UNC13C: variants seen among roughly 807,000 people sequenced by gnomAD.
UNC13C encodes unc-13 homolog C.
A neutral mutation model predicts 245.4 loss-of-function variants in UNC13C; 174 were observed. The observed-to-expected ratio is 0.71, with a 90% CI of 0.63 to 0.80. The LOEUF (loss-of-function observed/expected upper bound fraction) is 0.80. Ranked by LOEUF, UNC13C falls within the 30% of genes least tolerant of loss-of-function variation. The pLI is 0.00. For missense variants in UNC13C, 2,829 were observed against 2,602.9 expected (o/e 1.09, Z -1.89); for synonymous variants, 992 against 895.1 (o/e 1.11, Z -1.93).
At chr15:54,011,082 G>A (rs1022953544) in intron 1 of UNC13C, among the ~76,000 whole-genome samples, 1 of 152,022 alleles carries the variant, frequency 6.6e-6, no homozygotes. Context: ...GTGAGGGCTG[G>A]ATAATGAATG....
chr15:54,601,557 T>C (rs1446202086), intron 30 of UNC13C, among the ~76,000 whole-genome samples: 1 of 152,140 alleles, frequency 6.6e-6, no homozygotes. Context: ...ATCAGAATCT[T>C]GCATAGGCTA....
At chr15:54,459,444 T>C (rs1891718379) in intron 19 of UNC13C, among the ~76,000 whole-genome samples, 1 of 152,188 alleles carries the variant, frequency 6.6e-6, no homozygotes, top group Admixed American at 6.6e-5. Context: ...TGAAGATCTT[T>C]AGCAGGATCA....
the UNC13C span, among the ~76,000 whole-genome samples, chr15:53,867,506 A>G: frequency 0.27 from 41,279 of 152,106 alleles, 6,766 homozygotes; most frequent in Non-Finnish European, 0.35. Flanking sequence ...GCAGTTCTTT[A>G]CTAATTCTGA....
chr15:54,318,351 C>T (rs2038063154), intron 13 of UNC13C, among the ~76,000 whole-genome samples: 1 of 151,894 alleles, frequency 6.6e-6, no homozygotes, highest in Admixed American at 6.6e-5. Context: ...CAACAGTATA[C>T]AGGGTTCCCT....
chr15:54,029,297 A>C (rs1337751407), intron 2 of UNC13C, among the ~76,000 whole-genome samples: 1 of 152,240 alleles, frequency 6.6e-6, no homozygotes, highest in Non-Finnish European at 1.5e-5. Flanking sequence ...GAACCAAATA[A>C]GTCAATCAAC....
At chr15:54,210,258 T>C (rs1165906036) in intron 4 of UNC13C, among the ~76,000 whole-genome samples, 1 of 149,204 alleles carries the variant, frequency 6.7e-6, no homozygotes, top group African/African-American at 2.4e-5. Flanking sequence ...ATATATATGG[T>C]CTAACAAAAC....
chr15:54,359,286 T>C (rs1389393328), intron 17 of UNC13C, among the ~76,000 whole-genome samples: 1 of 151,988 alleles, frequency 6.6e-6, no homozygotes, highest in Non-Finnish European at 1.5e-5. Flanking sequence ...GTTTTCTTTT[T>C]TTGTTGTATC....
rs139446759 is a variant in UNC13C, at chr15:54,583,956, T to G, written c.6106+16009T>G. On this transcript the variant is annotated intron_variant, in intron 30 of 32. Coordinates refer to ENST00000260323, the MANE Select transcript of UNC13C (RefSeq NM_001080534.3). Reference sequence around the variant, plus strand: ...AGCCCCAGGACAAAGCTCCAGGCCCTAACTGTGCTCTCTGGCTCCCCGTGG... The same window carrying G: ...AGCCCCAGGACAAAGCTCCAGGCCCGAACTGTGCTCTCTGGCTCCCCGTGG... Among the ~76,000 whole-genome samples the G allele has an allele frequency of 5.9e-3, 898 of 152,286 alleles. 4 individuals carry two copies. The highest frequency in any genetic ancestry group is 6.0e-3 in the Non-Finnish European group (407 of 68,018).
intron 1 of UNC13C, among the ~76,000 whole-genome samples, chr15:54,004,354 C>T (rs144012428): frequency 5.6e-4 from 85 of 152,268 alleles, no homozygotes; most frequent in African/African-American, 1.9e-3. Flanking sequence ...ATTCTTTTTA[C>T]GGCTGAATAG....
intron 4 of UNC13C, among the ~76,000 whole-genome samples, chr15:54,197,699 G>A (rs915063229): frequency 2.0e-5 from 3 of 152,080 alleles, no homozygotes; most frequent in African/African-American, 7.2e-5. Flanking sequence ...TAAGATGGAG[G>A]ATAGGAGGCA....
rs187065097 is a variant in UNC13C at position 54,092,733 on chromosome 15, T to C, written c.2984-50285T>C. ...ACTCATAGTATCAAAACTATAAATA[T>C]ACTATAAATGGAGATATATGTGAGT... On this transcript the variant is annotated intron_variant, in intron 2 of 32. Coordinates refer to ENST00000260323, the MANE Select transcript of UNC13C (RefSeq NM_001080534.3). Among the ~76,000 whole-genome samples the C allele has an allele frequency of 7.9e-5, 12 of 152,298 alleles. No homozygotes were observed. In the East Asian group the frequency reaches 2.3e-3, roughly 29 times the overall value.
At chr15:54,244,080 A>G (rs778168043) in intron 7 of UNC13C, among the ~76,000 whole-genome samples, 10 of 152,272 alleles carry the variant, frequency 6.6e-5, no homozygotes, top group Middle Eastern at 3.4e-3. Context: ...GGTACTGCCT[A>G]GATTTTCTTC....
At chr15:54,534,170 G>T (rs1180038539) in intron 26 of UNC13C, among the ~76,000 whole-genome samples, 1 of 152,140 alleles carries the variant, frequency 6.6e-6, no homozygotes, top group African/African-American at 2.4e-5. Context: ...CTCTCCATCA[G>T]ACTGTTGTTA....
chr15:54,060,147 C>T (rs1044781856), intron 2 of UNC13C, among the ~76,000 whole-genome samples: 2 of 78,208 alleles, frequency 2.6e-5, no homozygotes, highest in African/African-American at 1.2e-4. Flanking sequence ...AGCTTCTGCA[C>T]AGCAAAAGAA....
chr15:54,204,107 G>A lies in UNC13C; in HGVS notation c.3072-30923G>A, dbSNP rs964709340. 4.6e-5 allele frequency among the ~76,000 whole-genome samples: 7 copies of A among 151,570 alleles called. No individual in the cohort carries two copies. In the Admixed American group the frequency reaches 4.6e-4, roughly 10 times the overall value. ...GGGAGCTAACCTATGAGGACACAAA[G>A]CCATAAGAATCATACACTGAACTTT... On this transcript the variant is annotated intron_variant, in intron 4 of 32. Transcript: ENST00000260323.
chr15:54,077,477 C>T (rs542933712), intron 2 of UNC13C, among the ~76,000 whole-genome samples: 1 of 137,306 alleles, frequency 7.3e-6, no homozygotes, highest in East Asian at 2.4e-4. Flanking sequence ...CTCCCAGGTT[C>T]AAGGGATTCT....
chr15:54,083,549 T>C (rs543859215), intron 2 of UNC13C, among the ~76,000 whole-genome samples: 3 of 152,136 alleles, frequency 2.0e-5, no homozygotes, highest in Admixed American at 6.5e-5. Context: ...CTCTGCTGTA[T>C]CCACAATAGT....
the UNC13C span, among the ~76,000 whole-genome samples, chr15:53,949,123 CCTTTG>C: frequency 3.3e-5 from 5 of 152,034 alleles, no homozygotes; most frequent in African/African-American, 1.2e-4. Context: ...ACATGCTTTA[CCTTTG>C]CAGTGAAGAA....
intron 13 of UNC13C, among the ~76,000 whole-genome samples, chr15:54,304,395 G>A (rs1157634841): frequency 6.6e-6 from 1 of 151,982 alleles, no homozygotes; most frequent in Non-Finnish European, 1.5e-5. Context: ...TTATACATTT[G>A]ATTTAAAAAT....
Sources: allele counts gnomAD v4.1 joint callset (sites outside exome capture counted in the v4.1 genomes callset), GRCh38; gene constraint gnomAD v4.1.1; transcripts MANE v1.5; gene names NCBI Gene and HGNC (gene_info 2026-07-23, HGNC 2026-07-21).